Variants in THSD7B observed in about 807,000 individuals in gnomAD.
THSD7B encodes thrombospondin type 1 domain containing 7B.
A neutral mutation model predicts 213.6 loss-of-function variants in THSD7B; 138 were observed. That is an observed-to-expected ratio of 0.65 (90% CI 0.56 to 0.74). The LOEUF is 0.74. Ranked by LOEUF, THSD7B falls within the 30% of genes least tolerant of loss-of-function variation. The probability of loss-of-function intolerance (pLI) is 0.00; values close to 1 mark genes in which losing one functional copy is unlikely to be tolerated. For synonymous variants in THSD7B, 742 were observed against 687.0 expected, an observed-to-expected ratio of 1.08 and a Z score of -1.25; for missense variants, 1,931 against 1,991.5, an observed-to-expected ratio of 0.97 and a Z score of 0.58.
rs1553455794 is a variant in THSD7B at position 136,890,303 on chromosome 2, C to CCTCCTCTT, written c.139+7988_139+7989insCCTCTTCT. 3.9e-3 allele frequency among the ~76,000 whole-genome samples: 20 copies of CCTCCTCTT among 5,162 alleles called. 6 individuals carry two copies. The highest frequency in any genetic ancestry group is 5.3e-3 in the Admixed American group (3 of 570). The allele number at this position is 5,162 out of a possible 152,430, so 3.4% of individuals were successfully genotyped here. On this transcript the variant is annotated intron_variant, in intron 2 of 27. Transcript: ENST00000409968. ...TGCTCATTCATGTCCATGTCCTACT[C>CCTCCTCTT]CTTCTTCTTCTTCTTCTTCTTCTTC...
chr2:137,597,460 A>C (rs1306618842), intron 17 of THSD7B, among the ~76,000 whole-genome samples: 1 of 140,324 alleles, frequency 7.1e-6, no homozygotes, highest in Non-Finnish European at 1.5e-5. Flanking sequence ...AAAACCAAAA[A>C]AAAACCTGTT....
intron 1 of THSD7B, among the ~76,000 whole-genome samples, chr2:136,869,209 G>A (rs1683391166): frequency 2.0e-5 from 3 of 152,150 alleles, no homozygotes; most frequent in Admixed American, 6.5e-5. Flanking sequence ...TTATAAAGTA[G>A]GTGGAATTTT....
intron 7 of THSD7B, among the ~76,000 whole-genome samples, chr2:137,196,330 C>A (rs1002602249): frequency 6.7e-6 from 1 of 150,148 alleles, no homozygotes; most frequent in Non-Finnish European, 1.5e-5. Context: ...ACACAATAAC[C>A]TTTTAATCAA....
intron 17 of THSD7B, among the ~76,000 whole-genome samples, chr2:137,599,882 A>G (rs1682043867): frequency 6.6e-6 from 1 of 152,178 alleles, no homozygotes; most frequent in South Asian, 2.1e-4. Flanking sequence ...CGGTTGGGTC[A>G]TCATTCATGT....
intron 15 of THSD7B, chr2:137,538,385 T>C (rs1354863020): frequency 6.6e-6 from 3 of 452,810 alleles, no homozygotes; most frequent in African/African-American, 4.2e-5. Context: ...GGAAAGGATT[T>C]CTACTTTTTT....
intron 3 of THSD7B, among the ~76,000 whole-genome samples, chr2:137,088,467 C>T (rs778776587): frequency 6.6e-6 from 1 of 151,778 alleles, no homozygotes; most frequent in East Asian, 1.9e-4. Flanking sequence ...TCACCTTATA[C>T]AAAAATCAAC....
chr2:137,472,419 A>G (rs1238235831), intron 15 of THSD7B, among the ~76,000 whole-genome samples: 3 of 152,344 alleles, frequency 2.0e-5, no homozygotes, highest in African/African-American at 2.4e-5. Context: ...TAGAAAAAGT[A>G]TGTATTAGTG....
intron 12 of THSD7B, among the ~76,000 whole-genome samples, chr2:137,402,846 C>T (rs564935051): frequency 2.2e-3 from 327 of 147,554 alleles, no homozygotes; most frequent in African/African-American, 7.8e-3. Context: ...GTTTGAATTT[C>T]ACATAGCAAT....
intron 10 of THSD7B, among the ~76,000 whole-genome samples, chr2:137,270,670 G>A (rs1682711791): frequency 6.6e-6 from 1 of 152,148 alleles, no homozygotes; most frequent in South Asian, 2.1e-4. Context: ...CAAGGAGAAA[G>A]CTCCTCTACC....
intron 5 of THSD7B, among the ~76,000 whole-genome samples, chr2:137,149,342 A>G (rs906766455): frequency 2.8e-5 from 4 of 145,356 alleles, no homozygotes; most frequent in African/African-American, 1.0e-4. Flanking sequence ...TGCAGAAGGG[A>G]AATATGGGGT....
chr2:137,364,004 G>C (rs1385237143), intron 12 of THSD7B, among the ~76,000 whole-genome samples: 1 of 152,048 alleles, frequency 6.6e-6, no homozygotes, highest in Non-Finnish European at 1.5e-5. Flanking sequence ...AAAATACTGG[G>C]AAACTGAATC....
At chr2:136,956,711 G>T (rs1161593863) in intron 2 of THSD7B, among the ~76,000 whole-genome samples, 1 of 144,488 alleles carries the variant, frequency 6.9e-6, no homozygotes, top group Non-Finnish European at 1.5e-5. Flanking sequence ...ACAGAGTCTT[G>T]CTCTGTCCCC....
At chr2:137,603,248 C>G (rs1038285162) in intron 17 of THSD7B, among the ~76,000 whole-genome samples, 1 of 152,192 alleles carries the variant, frequency 6.6e-6, no homozygotes, top group African/African-American at 2.4e-5. Flanking sequence ...ACTTCATTGC[C>G]TTCACATCAT....
chr2:137,005,021 T>C (rs2104828488), intron 2 of THSD7B, among the ~76,000 whole-genome samples: 1 of 152,360 alleles, frequency 6.6e-6, no homozygotes, highest in African/African-American at 2.4e-5. Flanking sequence ...AAAATAATTT[T>C]ATAAAACAAA....
intron 14 of THSD7B, among the ~76,000 whole-genome samples, chr2:137,431,470 G>A (rs749147194): frequency 3.3e-5 from 5 of 152,148 alleles, no homozygotes; most frequent in Non-Finnish European, 5.9e-5. Context: ...ATCTAGCTAT[G>A]TTAATAGAGA....
intron 2 of THSD7B, among the ~76,000 whole-genome samples, chr2:137,017,392 TG>T (rs756051463): frequency 6.6e-6 from 1 of 151,642 alleles, no homozygotes. Context: ...GTACCATTTG[TG>T]AGAACAGGAG....
intron 2 of THSD7B, chr2:136,991,065 C>A: frequency 1.4e-6 from 1 of 723,496 alleles, no homozygotes; most frequent in Admixed American, 3.1e-5. Flanking sequence ...TAAAAAGGAC[C>A]TGGACAAATG....
intron 2 of THSD7B, among the ~76,000 whole-genome samples, chr2:136,982,528 G>C (rs1685600229): frequency 6.6e-6 from 1 of 152,018 alleles, no homozygotes; most frequent in South Asian, 2.1e-4. Context: ...AAGGGATGTG[G>C]GTAATGATGT....
At chr2:137,305,323 T>A (rs1047869959) in intron 12 of THSD7B, among the ~76,000 whole-genome samples, 3 of 152,054 alleles carry the variant, frequency 2.0e-5, no homozygotes, top group Admixed American at 1.3e-4. Flanking sequence ...CTGGAACTGG[T>A]CAATCAGTCT....
Sources: allele counts gnomAD v4.1 joint callset (sites outside exome capture counted in the v4.1 genomes callset), GRCh38; gene constraint gnomAD v4.1.1; transcripts MANE v1.5; gene names NCBI Gene and HGNC (gene_info 2026-07-23, HGNC 2026-07-21).